Variants in CDK2 observed in about 807,000 individuals in gnomAD.
The protein encoded by CDK2 is cyclin dependent kinase 2.
In CDK2, 8 loss-of-function variants were observed where a neutral mutation model predicts 35.0. The ratio of observed to expected loss-of-function variants is 0.23; its 90% CI spans 0.13 to 0.41. The LOEUF (loss-of-function observed/expected upper bound fraction) is 0.41, where lower values mean the gene tolerates loss of function less well. Ranked by LOEUF, CDK2 falls within the 10% of genes least tolerant of loss-of-function variation. The probability of loss-of-function intolerance (pLI) is 1.00; values close to 1 mark genes in which losing one functional copy is unlikely to be tolerated. For missense variants in CDK2, 201 were observed against 367.1 expected (o/e 0.55, Z 3.70); for synonymous variants, 134 against 137.7 (o/e 0.97, Z 0.19).
At chr12:55,968,971 T>C in intron 4 of CDK2, 23 bp downstream of exon 4, 1 of 1,531,250 alleles carries the variant, frequency 6.5e-7, no homozygotes, top group Non-Finnish European at 8.8e-7. Context: ...ATGTCTTTTT[T>C]CTCTGAGCTT....
Position 55,971,252 on chromosome 12 carries a change from G to T in CDK2, c.792+5G>T. The T allele has an allele frequency of 6.2e-7, 1 of 1,613,442 alleles. No individual in the cohort carries two copies. Among genetic ancestry groups the T allele is most frequent in the South Asian group, 1.1e-5 (1 of 91,060 alleles). The stretch of plus-strand genomic sequence containing the variant: ...GATGGACGGAGCTTGTTATCGGTGA[G>T]AGTGGGCACCTGTTTTCCCTCATTC... On this transcript the variant is annotated splice_donor_5th_base_variant and intron_variant, in intron 6 of 6. Transcript: ENST00000266970.
chr12:55,970,060 T>C (rs1310624656), intron 5 of CDK2, among the ~76,000 whole-genome samples: 1 of 151,954 alleles, frequency 6.6e-6, no homozygotes, highest in African/African-American at 2.4e-5. Context: ...GGTAGGTGGA[T>C]CACCTGAGGT....
rs1198263735 is a variant in CDK2 at position 55,968,179 on chromosome 12, C to G, written c.315+10C>G. 1 of 1,613,618 alleles carries G rather than the reference C, an allele frequency of 6.2e-7. No individual in the cohort carries two copies. Among genetic ancestry groups the G allele is most frequent in the Non-Finnish European group, 8.5e-7 (1 of 1,179,640 alleles). On this transcript the variant is annotated intron_variant, in intron 3 of 6. Coordinates refer to ENST00000266970, the MANE Select transcript of CDK2 (RefSeq NM_001798.5). ...TCTTCCCCTCATCAAGGTAATGCTT[C>G]TCATCAGCTCCTCTCATCATGGGCA... is the stretch of plus-strand genomic sequence containing the variant.
intron 5 of CDK2, among the ~76,000 whole-genome samples, chr12:55,970,107 C>T (rs1432777521): frequency 6.6e-6 from 1 of 151,800 alleles, no homozygotes; most frequent in Non-Finnish European, 1.5e-5. Context: ...CATGTTAAAA[C>T]CCTGTCTCTA....
chr12:55,968,283 A>G (rs1460667824), intron 3 of CDK2, 114 bp downstream of exon 3: 5 of 981,406 alleles, frequency 5.1e-6, no homozygotes, highest in Non-Finnish European at 7.7e-6. Context: ...CATCTCCTAT[A>G]CACACACACT....
At position 55,971,657 on chromosome 12, in the gene CDK2, A is replaced by C; in HGVS notation, c.*32A>C. 1.2e-4 allele frequency: 172 copies of C among 1,485,052 alleles called. No individual in the cohort carries two copies. The highest frequency in any genetic ancestry group is 1.7e-4 in the Middle Eastern group (1 of 5,836). 92.0% of individuals were successfully genotyped at this position (1,485,052 alleles called of 1,614,324 possible). ...TCTTGAAGCCCCCAGCCCTAATCTC[A>C]CCCTCTCCTCCAGTGTGGGCTTGAC... is the stretch of plus-strand genomic sequence containing the variant. On this transcript the variant is annotated 3_prime_UTR_variant, in exon 7 of 7. Transcript: ENST00000266970.
chr12:55,969,691 T>G (rs1051010497), intron 5 of CDK2, 115 bp downstream of exon 5: 2 of 534,458 alleles, frequency 3.7e-6, no homozygotes, highest in Non-Finnish European at 6.7e-6. Context: ...GGGTTCTCTC[T>G]CTAAAGTAGC....
chr12:55,970,859 G>A, intron 5 of CDK2, 185 bp from the exon 6 acceptor site: 1 of 705,882 alleles, frequency 1.4e-6, no homozygotes, highest in East Asian at 2.7e-5. Context: ...GAAGGAGGGG[G>A]CGAGGAGACA....
chr12:55,967,970 G>T, intron 2 of CDK2, 36 bp downstream of exon 2: 1 of 1,613,598 alleles, frequency 6.2e-7, no homozygotes, highest in Non-Finnish European at 8.5e-7. Flanking sequence ...CAGCTGGAAA[G>T]GAGGATAAGT....
intron 1 of CDK2, 86 bp downstream of exon 1, chr12:55,967,210 G>A (rs1363101990): frequency 4.1e-6 from 4 of 983,098 alleles, no homozygotes; most frequent in Non-Finnish European, 6.3e-6. Flanking sequence ...AGCCGTCCAG[G>A]GACCGGAAGA....
intron 1 of CDK2, chr12:55,967,411 G>T: frequency 2.0e-6 from 1 of 489,648 alleles, no homozygotes; most frequent in Non-Finnish European, 3.7e-6. Flanking sequence ...AGGTCTCTGA[G>T]ATGAGGTCCA....
Position 55,971,246 on chromosome 12 carries a change from C to G in CDK2, c.791C>G (p.Ser264Trp). 1 of 1,613,704 alleles carries G rather than the reference C, an allele frequency of 6.2e-7. No individual in the cohort carries two copies. Among genetic ancestry groups the G allele is most frequent in the East Asian group, 2.2e-5 (1 of 44,868 alleles). Reference sequence around the variant, plus strand: ...GATGAAGATGGACGGAGCTTGTTATCGGTGAGAGTGGGCACCTGTTTTCCC... The same window carrying G: ...GATGAAGATGGACGGAGCTTGTTATGGGTGAGAGTGGGCACCTGTTTTCCC... ...PLDEDGRSLL[S>W]QMLHYDPNKR... The change falls in exon 6 of 7, where the codon TCG becomes TGG. Residue 264 changes from serine to tryptophan, a missense_variant and splice_region_variant. This residue lies in a region of CDK2 where 106 missense variants were observed against 141.3 expected (regional missense o/e 0.75). Transcript: ENST00000266970.
intron 3 of CDK2, 25 bp from the exon 4 acceptor site, chr12:55,968,753 C>T (rs754643413): frequency 6.4e-7 from 1 of 1,557,554 alleles, no homozygotes; most frequent in Admixed American, 2.0e-5. Flanking sequence ...TGGAGAAACA[C>T]AGTCCTCTCT....
Position 55,967,168 on chromosome 12 carries a change from TG to T in CDK2, c.116+45del. 4.2e-6 allele frequency: 6 copies of T among 1,417,614 alleles called. No individual in the cohort carries two copies. The Middle Eastern group carries it at 7.0e-4, about 165-fold the overall frequency. 87.8% of individuals were successfully genotyped at this position (1,417,614 alleles called of 1,614,324 possible). Reference sequence around the variant, plus strand: ...CGGGACTCCTAACTGGGGACCTCCTTGATTGTCCCCCCCAACCCCCCACGGG... The same window carrying T: ...CGGGACTCCTAACTGGGGACCTCCTTATTGTCCCCCCCAACCCCCCACGGG... On this transcript the variant is annotated intron_variant, in intron 1 of 6. Transcript: ENST00000266970.
At position 55,969,558 on chromosome 12, in the gene CDK2, C is replaced by T. The variant is rs751014002; in HGVS notation, c.570C>T (p.Gly190=). The T allele has an allele frequency of 6.2e-7, 1 of 1,607,072 alleles. No individual in the cohort carries two copies. Among genetic ancestry groups the T allele is most frequent in the South Asian group, 1.1e-5 (1 of 90,084 alleles). Residue 190 remains glycine, a synonymous_variant, in exon 5 of 7, where the codon GGC becomes GGT. Coordinates refer to ENST00000266970, the MANE Select transcript of CDK2 (RefSeq NM_001798.5). ...YSTAVDIWSL[G]CIFAEMVTRR... ...CAGCTGTGGACATCTGGAGCCTGGGCTGCATCTTTGCTGAGATGGTATGGA... is the reference window on the plus strand; with the variant it reads ...CAGCTGTGGACATCTGGAGCCTGGGTTGCATCTTTGCTGAGATGGTATGGA...
intron 3 of CDK2, 141 bp from the exon 4 acceptor site, chr12:55,968,637 A>G (rs1592783143): frequency 3.2e-6 from 2 of 625,448 alleles, no homozygotes; most frequent in East Asian, 5.6e-5. Flanking sequence ...CTGGGCTGAC[A>G]GTCCATTGGG....
intron 5 of CDK2, chr12:55,970,030 C>T (rs1376289480): frequency 6.5e-6 from 1 of 153,230 alleles, no homozygotes; most frequent in Non-Finnish European, 1.5e-5. Flanking sequence ...ACCTATAATA[C>T]CAGCACTTTG....
chr12:55,969,281 T>C (rs989346923), intron 4 of CDK2, among the ~76,000 whole-genome samples, 194 bp from the exon 5 acceptor site: 1 of 152,074 alleles, frequency 6.6e-6, no homozygotes, highest in Non-Finnish European at 1.5e-5. Context: ...GTCTCAAGTT[T>C]TTCCAGGAAG....
chr12:55,969,630 C>A, intron 5 of CDK2, 54 bp downstream of exon 5: 1 of 995,642 alleles, frequency 1.0e-6, no homozygotes, highest in Non-Finnish European at 1.6e-6. Flanking sequence ...TCCCCACATC[C>A]AAGAACAACA....
Sources: gnomAD v4.1 joint callset for allele counts (sites outside exome capture counted in the v4.1 genomes callset) on GRCh38, gnomAD v4.1.1 for gene constraint, gnomAD v4.1.1 regional missense constraint, MANE v1.5 for transcripts, NCBI Gene and HGNC (gene_info 2026-07-23, HGNC 2026-07-21) for gene names.